Variants in SUGCT observed in about 807,000 individuals in gnomAD.
The protein encoded by SUGCT is succinyl-CoA:glutarate-CoA transferase, also known as succinyl-CoA:glutarate CoA-transferase.
Under a neutral mutation model 55.0 loss-of-function variants are expected in SUGCT, and 41 were observed. The ratio of observed to expected loss-of-function variants is 0.74; its 90% CI spans 0.58 to 0.97. The LOEUF is 0.97. SUGCT is among the 50% of genes least tolerant of loss of function. SUGCT has a pLI of 0.00. For missense variants in SUGCT, 568 were observed against 547.8 expected (o/e 1.04, Z -0.37); for synonymous variants, 187 against 200.4 (o/e 0.93, Z 0.56).
At chr7:40,816,633 A>T (rs1791684657) in intron 13 of SUGCT, among the ~76,000 whole-genome samples, 1 of 152,170 alleles carries the variant, frequency 6.6e-6, no homozygotes, top group Non-Finnish European at 1.5e-5. Context: ...ATGAAAGTTC[A>T]CAGAGTTGAT....
intron 8 of SUGCT, among the ~76,000 whole-genome samples, chr7:40,282,802 G>T (rs1793060204): frequency 6.6e-6 from 1 of 151,892 alleles, no homozygotes; most frequent in Admixed American, 6.6e-5. Context: ...GAAATTAGAG[G>T]TTACATAGAA....
intron 9 of SUGCT, among the ~76,000 whole-genome samples, chr7:40,375,632 A>G (rs1784504688): frequency 6.6e-6 from 1 of 152,188 alleles, no homozygotes; most frequent in African/African-American, 2.4e-5. Context: ...TGTCCCAGAC[A>G]ACCCTATCTA....
chr7:40,821,916 C>T (rs1792041002), intron 13 of SUGCT, among the ~76,000 whole-genome samples: 13 of 152,000 alleles, frequency 8.6e-5, no homozygotes, highest in Admixed American at 8.5e-4. Flanking sequence ...CTATAAATTT[C>T]CTCTACACAC....
intron 13 of SUGCT, among the ~76,000 whole-genome samples, chr7:40,808,629 G>A (rs1331142475): frequency 1.3e-5 from 2 of 152,176 alleles, no homozygotes; most frequent in African/African-American, 2.4e-5. Context: ...TGGTGGTAAG[G>A]AAGAACATTC....
At chr7:40,661,941 G>A (rs866145250) in intron 12 of SUGCT, among the ~76,000 whole-genome samples, 13 of 152,130 alleles carry the variant, frequency 8.5e-5, no homozygotes, top group Non-Finnish European at 1.5e-4. Flanking sequence ...AATTGTTCTC[G>A]CCAGCTCAGT....
At chr7:40,462,521 G>A (rs993999244) in intron 11 of SUGCT, among the ~76,000 whole-genome samples, 2 of 152,146 alleles carry the variant, frequency 1.3e-5, no homozygotes, top group African/African-American at 4.8e-5. Context: ...AGCGTCAAGG[G>A]AGGGAGTGCT....
At chr7:40,923,043 G>A in the SUGCT span, among the ~76,000 whole-genome samples, 1 of 152,292 alleles carries the variant, frequency 6.6e-6, no homozygotes, top group East Asian at 1.9e-4. Context: ...GGGTGGAGAG[G>A]TAGACATCAA....
At chr7:40,259,566 A>G (rs1461814218) in intron 7 of SUGCT, among the ~76,000 whole-genome samples, 2 of 152,222 alleles carry the variant, frequency 1.3e-5, no homozygotes, top group African/African-American at 2.4e-5. Flanking sequence ...TACACAGTAC[A>G]TATATACAAT....
intron 8 of SUGCT, among the ~76,000 whole-genome samples, chr7:40,294,003 A>G (rs888835060): frequency 1.1e-4 from 17 of 152,022 alleles, no homozygotes; most frequent in African/African-American, 3.9e-4. Flanking sequence ...ACTGGAGTGC[A>G]GTGGCACAAT....
chr7:40,614,851 G>C (rs546745457), intron 12 of SUGCT, among the ~76,000 whole-genome samples: 227 of 152,112 alleles, frequency 1.5e-3, no homozygotes, highest in Admixed American at 3.1e-3. Context: ...CCTGAGTTCA[G>C]GAGTTTGAGA....
intron 13 of SUGCT, among the ~76,000 whole-genome samples, chr7:40,851,808 G>A (rs1241952864): frequency 6.6e-6 from 1 of 152,190 alleles, no homozygotes; most frequent in East Asian, 1.9e-4. Flanking sequence ...ATGAGCTTTA[G>A]AGATAATTAT....
At chr7:40,532,012 A>G (rs1269646737) in intron 12 of SUGCT, among the ~76,000 whole-genome samples, 1 of 152,210 alleles carries the variant, frequency 6.6e-6, no homozygotes, top group Non-Finnish European at 1.5e-5. Flanking sequence ...TGTTTCTGCC[A>G]CATGTATAGG....
At chr7:40,810,570 A>G (rs1445181384) in intron 13 of SUGCT, among the ~76,000 whole-genome samples, 4 of 152,020 alleles carry the variant, frequency 2.6e-5, no homozygotes, top group Non-Finnish European at 4.4e-5. Context: ...TCTTCAACAG[A>G]TGTGTCTGTT....
At chr7:40,814,411 T>C (rs552888577) in intron 13 of SUGCT, among the ~76,000 whole-genome samples, 12 of 152,096 alleles carry the variant, frequency 7.9e-5, no homozygotes, top group Non-Finnish European at 1.5e-4. Flanking sequence ...ATTTTTTTCT[T>C]TATTTTTGTC....
At chr7:40,395,165 G>A (rs939265402) in intron 9 of SUGCT, among the ~76,000 whole-genome samples, 3 of 152,142 alleles carry the variant, frequency 2.0e-5, no homozygotes, top group African/African-American at 4.8e-5. Flanking sequence ...TGAACTCGCA[G>A]GATAGGCATG....
At chr7:40,830,724 C>T (rs1339035705) in intron 13 of SUGCT, among the ~76,000 whole-genome samples, 1 of 152,196 alleles carries the variant, frequency 6.6e-6, no homozygotes, top group Non-Finnish European at 1.5e-5. Flanking sequence ...TATTGACCAG[C>T]TCATTGCAGC....
chr7:40,269,408 C>T (rs1172179849), intron 7 of SUGCT, among the ~76,000 whole-genome samples: 2 of 152,030 alleles, frequency 1.3e-5, no homozygotes, highest in East Asian at 1.9e-4. Context: ...CTGCAACATC[C>T]ACCTCCTGGG....
chr7:40,937,744 A>G, the SUGCT span, among the ~76,000 whole-genome samples: 895 of 152,074 alleles, frequency 5.9e-3, 8 homozygotes, highest in African/African-American at 0.02. Flanking sequence ...CCGCGTGGAT[A>G]GTATATATTT....
chr7:40,717,201 A>G (rs971137496), intron 12 of SUGCT, among the ~76,000 whole-genome samples: 1 of 152,232 alleles, frequency 6.6e-6, no homozygotes, highest in African/African-American at 2.4e-5. Flanking sequence ...ATATTGTTGC[A>G]GAACTTTCTC....
Sources: allele counts gnomAD v4.1 joint callset (sites outside exome capture counted in the v4.1 genomes callset), GRCh38; gene constraint gnomAD v4.1.1; transcripts MANE v1.5; gene names NCBI Gene and HGNC (gene_info 2026-07-23, HGNC 2026-07-21).